POLD1: variants seen among roughly 807,000 people sequenced by gnomAD.
POLD1 encodes DNA polymerase delta 1, catalytic subunit.
POLD1 carries 79 observed loss-of-function variants against 129.7 expected under a neutral mutation model. That is an observed-to-expected ratio of 0.61 (90% CI 0.51 to 0.73). The LOEUF is 0.73. POLD1 is among the 30% of genes least tolerant of loss of function. The probability of loss-of-function intolerance (pLI) is 0.00; values close to 1 mark genes in which losing one functional copy is unlikely to be tolerated. For synonymous variants in POLD1, 714 were observed against 683.3 expected (o/e 1.04, Z -0.70); for missense variants, 1,338 against 1,595.8 (o/e 0.84, Z 2.75).
At chr19:50,390,226 T>A (rs1341924261) in intron 1 of POLD1, among the ~76,000 whole-genome samples, 2 of 145,812 alleles carry the variant, frequency 1.4e-5, no homozygotes, top group East Asian at 3.9e-4. Context: ...TCTTTTTTTC[T>A]TTTCTTTTCT....
chr19:50,410,077 G>A (rs1341501405), intron 17 of POLD1, among the ~76,000 whole-genome samples: 1 of 152,142 alleles, frequency 6.6e-6, no homozygotes. Context: ...CCTCTCAATA[G>A]GCGACGCTCA....
chr19:50,391,086 C>T (rs1295325032), intron 1 of POLD1, among the ~76,000 whole-genome samples: 2 of 151,852 alleles, frequency 1.3e-5, no homozygotes, highest in Admixed American at 6.6e-5. Context: ...CTGCTGGGTA[C>T]ACCTCCCAGA....
In POLD1 at chr19:50,403,184, G is replaced by A. The variant is rs1172211460; in HGVS notation, c.1102G>A (p.Val368Met). 1 of 1,562,836 alleles carries A rather than the reference G, an allele frequency of 6.4e-7. No homozygotes were observed. The highest frequency in any genetic ancestry group is 2.4e-5 in the East Asian group (1 of 42,122). ...CTGTGCCCCCATCCTGGGTGCCAAG[G>A]TGCAGAGCTACGAGAAGGAGGAGGA... is the stretch of plus-strand genomic sequence containing the variant. ...RPCAPILGAK[V>M]QSYEKEEDLL... Residue 368 changes from valine to methionine, a missense_variant, in exon 9 of 27, where the codon GTG becomes ATG. Val to Met is a conservative substitution (Grantham distance 21). Coordinates refer to ENST00000440232, the MANE Select transcript of POLD1 (RefSeq NM_002691.4).
intron 1 of POLD1, among the ~76,000 whole-genome samples, chr19:50,397,779 G>A (rs2038424756): frequency 6.6e-6 from 1 of 152,172 alleles, no homozygotes; most frequent in South Asian, 2.1e-4. Flanking sequence ...TTTGTGTTGT[G>A]TTTTGTTTGC....
At chr19:50,392,700 C>T (rs535219820) in intron 1 of POLD1, among the ~76,000 whole-genome samples, 2 of 152,202 alleles carry the variant, frequency 1.3e-5, no homozygotes, top group Non-Finnish European at 2.9e-5. Flanking sequence ...TGGTCTGGAA[C>T]TCTTGACCTC....
rs3219456 is a variant in POLD1 at position 50,417,817 on chromosome 19, A to ACCCTGCCCCTGC, written c.3219-21_3219-10dup. On this transcript the variant is annotated intron_variant, in intron 26 of 26. Transcript: ENST00000440232. ...GGGCACTGGGCCTTGGCTGGTCCTG[A>ACCCTGCCCCTGC]CCCTGCCCCTGCCCCCACCCGCAGC... The ACCCTGCCCCTGC allele has an allele frequency of 1.7e-3, 2,536 of 1,482,418 alleles. 34 individuals are homozygous for ACCCTGCCCCTGC. In the African/African-American group the frequency reaches 0.032, roughly 19 times the overall value. 91.8% of individuals were successfully genotyped at this position (1,482,418 alleles called of 1,614,324 possible).
chr19:50,401,391 ATTTT>A (rs1203165864), intron 3 of POLD1, among the ~76,000 whole-genome samples: 262 of 65,794 alleles, frequency 4.0e-3, no homozygotes, highest in Middle Eastern at 0.016. Flanking sequence ...ATATATATAT[ATTTT>A]TTTTTTTTTT....
rs371612922 is a variant in POLD1, at chr19:50,402,705, G to A, written c.934G>A (p.Val312Met). The A allele has an allele frequency of 1.9e-5, 30 of 1,598,924 alleles. No individual in the cohort carries two copies. Among genetic ancestry groups the A allele is most frequent in the Middle Eastern group, 2.0e-4 (1 of 4,926 alleles). ...GPWQRIAPLR[V>M]LSFDIECAGR... Reference sequence around the variant, plus strand: ...ATGGCAGCGCATTGCGCCCTTGCGCGTGCTCAGCTTCGATATCGAGTGCGC... The same window carrying A: ...ATGGCAGCGCATTGCGCCCTTGCGCATGCTCAGCTTCGATATCGAGTGCGC... Residue 312 changes from valine (V) to methionine (M), a missense_variant, in exon 8 of 27, where the codon GTG becomes ATG. This residue lies in a region of POLD1 where 720 missense variants were observed against 1,002.6 expected (regional missense o/e 0.72). Coordinates refer to ENST00000440232, the MANE Select transcript of POLD1 (RefSeq NM_002691.4).
In POLD1 at chr19:50,417,671, T is replaced by TCCCCCCCCCCCC. The variant is rs3840923; in HGVS notation, c.3219-161_3219-160insCCCCCCCCCCCC. Among the ~76,000 whole-genome samples, 169 of 110,504 alleles carry TCCCCCCCCCCCC rather than the reference T, an allele frequency of 1.5e-3. 1 individual carries two copies. Among genetic ancestry groups the TCCCCCCCCCCCC allele is most frequent in the Non-Finnish European group, 1.9e-3 (106 of 56,994 alleles). The allele number at this position is 110,504 out of a possible 152,430, so 72.5% of individuals were successfully genotyped here. A position where few individuals can be genotyped will look rare whatever the true frequency, so the allele number is the denominator to read the frequency against. ...TCGCCAGGCACCCGCTGTTATCGGC[T>TCCCCCCCCCCCC]CCCCCCCCCCACCCCCCCCGTGCCT... On this transcript the variant is annotated intron_variant, in intron 26 of 26. Transcript: ENST00000440232.
chr19:50,396,996 G>A (rs1217283547), intron 1 of POLD1, among the ~76,000 whole-genome samples: 1 of 151,126 alleles, frequency 6.6e-6, no homozygotes, highest in African/African-American at 2.4e-5. Context: ...TCAGGAGGCT[G>A]AGGCAGGAGA....
chr19:50,391,688 G>GC (rs1196185535), intron 1 of POLD1, among the ~76,000 whole-genome samples: 11 of 148,458 alleles, frequency 7.4e-5, no homozygotes, highest in African/African-American at 2.9e-4. Context: ...GAGACTGAGA[G>GC]GGGGGAGGGG....
intron 3 of POLD1, among the ~76,000 whole-genome samples, chr19:50,401,534 C>A (rs1369629844): frequency 6.6e-6 from 1 of 151,036 alleles, no homozygotes; most frequent in Non-Finnish European, 1.5e-5. Context: ...AGTCACTGTG[C>A]ACGGCCAGTT....
chr19:50,407,223 G>T, intron 13 of POLD1, 49 bp downstream of exon 13: 1 of 1,567,542 alleles, frequency 6.4e-7, no homozygotes, highest in Non-Finnish European at 8.7e-7. Context: ...GCACGTCTGT[G>T]GCCCCCTCCA....
In POLD1 at chr19:50,417,648, G is replaced by A. The variant is rs3219451; in HGVS notation, c.3219-194G>A. On this transcript the variant is annotated intron_variant, in intron 26 of 26. Coordinates refer to ENST00000440232, the MANE Select transcript of POLD1 (RefSeq NM_002691.4). ...ACGGCCAGCCATGGCCCTGCACCTC[G>A]CCAGGCACCCGCTGTTATCGGCTCC... 9.3e-3 allele frequency among the ~76,000 whole-genome samples: 1,381 copies of A among 149,034 alleles called. 21 individuals carry two copies. Among genetic ancestry groups the A allele is most frequent in the African/African-American group, 0.032 (1,266 of 39,332 alleles).
chr19:50,416,875 G>T (rs2039318069), intron 24 of POLD1, 152 bp downstream of exon 24: 1 of 959,748 alleles, frequency 1.0e-6, no homozygotes, highest in Admixed American at 2.8e-5. Context: ...CCCACAGAGG[G>T]TCCTCGGCCC....
chr19:50,407,453 C>T (rs1397251458), intron 14 of POLD1, 38 bp downstream of exon 14: 2 of 1,388,102 alleles, frequency 1.4e-6, no homozygotes, highest in Non-Finnish European at 2.0e-6. Context: ...TACCTGTAAT[C>T]TCTGGGAGGC....
intron 3 of POLD1, among the ~76,000 whole-genome samples, chr19:50,401,030 C>T (rs1196252098): frequency 6.6e-6 from 1 of 151,394 alleles, no homozygotes; most frequent in African/African-American, 2.4e-5. Context: ...TTGGGCCCGG[C>T]ATGGTGGCTC....
chr19:50,417,390 C>T (rs1460209288), intron 26 of POLD1, 121 bp downstream of exon 26: 6 of 665,758 alleles, frequency 9.0e-6, no homozygotes, highest in Admixed American at 7.4e-5. Context: ...CCATCCCCTT[C>T]CAGCTGTGAG....
chr19:50,394,945 C>T (rs2038293493), intron 1 of POLD1: 1 of 151,712 alleles, frequency 6.6e-6, no homozygotes, highest in African/African-American at 2.4e-5. Flanking sequence ...AAGGGATTCT[C>T]CTGCCTCAGC....
Sources: gnomAD v4.1 joint callset for allele counts (sites outside exome capture counted in the v4.1 genomes callset) on GRCh38, gnomAD v4.1.1 for gene constraint, gnomAD v4.1.1 regional missense constraint, MANE v1.5 for transcripts, NCBI Gene and HGNC (gene_info 2026-07-23, HGNC 2026-07-21) for gene names.